NASP: variants seen among roughly 807,000 people sequenced by gnomAD.
The protein encoded by NASP is NASP histone chaperone.
In NASP, 24 loss-of-function variants were observed where a neutral mutation model predicts 89.5. The observed-to-expected ratio is 0.27, with a 90% CI of 0.19 to 0.38. The LOEUF is 0.38. Ranked by LOEUF, NASP falls within the 10% of genes least tolerant of loss-of-function variation. NASP has a pLI of 1.00. For missense variants in NASP, 848 were observed against 921.4 expected (o/e 0.92, Z 1.03); for synonymous variants, 306 against 324.7 (o/e 0.94, Z 0.62).
intron 1 of NASP, among the ~76,000 whole-genome samples, chr1:45,586,240 G>C (rs1318013654): frequency 2.6e-5 from 1 of 38,698 alleles, no homozygotes; most frequent in Non-Finnish European, 5.6e-5. Flanking sequence ...CTACCGTGCC[G>C]TGTGTGTGTG....
In NASP at chr1:45,617,510, C is replaced by T; in HGVS notation, c.2205C>T (p.Ala735=). Residue 735 remains alanine, a synonymous_variant, in exon 14 of 15, where the codon GCC becomes GCT. Transcript: ENST00000350030. ...CCCGGAAAGATGATGCAAAGAAAGCCAAACAAGAGCCGGAGGTGAACGGAG... is the reference window on the plus strand; with the variant it reads ...CCCGGAAAGATGATGCAAAGAAAGCTAAACAAGAGCCGGAGGTGAACGGAG... The part of the protein sequence containing the change: ...ESPRKDDAKK[A]KQEPEVNGGS... 1 of 1,613,354 alleles carries T rather than the reference C, an allele frequency of 6.2e-7. No individual in the cohort carries two copies. The highest frequency in any genetic ancestry group is 8.5e-7 in the Non-Finnish European group (1 of 1,179,680).
intron 5 of NASP, 145 bp from the exon 6 acceptor site, chr1:45,607,176 C>G (rs766539261): frequency 7.4e-5 from 60 of 810,926 alleles, no homozygotes; most frequent in Non-Finnish European, 1.0e-4. Flanking sequence ...TTCCTTTTCT[C>G]TAGGGGGCAG....
intron 1 of NASP, among the ~76,000 whole-genome samples, chr1:45,588,069 G>A (rs185501334): frequency 2.7e-5 from 4 of 148,116 alleles, no homozygotes; most frequent in East Asian, 4.5e-4. Flanking sequence ...GCAAAACCCC[G>A]TCTCTACTAA....
intron 1 of NASP, among the ~76,000 whole-genome samples, chr1:45,590,093 T>G (rs1219028389): frequency 6.6e-6 from 1 of 151,962 alleles, no homozygotes; most frequent in East Asian, 1.9e-4. Flanking sequence ...CTGTAGGGGG[T>G]GGAGCTCAAA....
At position 45,616,672 on chromosome 1, in the gene NASP, T is replaced by G; in HGVS notation, c.2126T>G (p.Val709Gly). Reference sequence around the variant, plus strand: ...GACGGTGCTTCCTCATCAAATTGTGTGACTGATATTTCCCACCTTGTCAGA... The same window carrying G: ...GACGGTGCTTCCTCATCAAATTGTGGGACTGATATTTCCCACCTTGTCAGA... ...PTDGASSSNC[V>G]TDISHLVRKK... Residue 709 changes from valine to glycine, a missense_variant, in exon 13 of 15, where the codon GTG (valine) becomes GGG (glycine). Around this residue, in one of 5 missense-constraint regions of NASP, gnomAD observed 218 missense variants for 219.6 expected, o/e 0.99. Transcript: ENST00000350030. The G allele has an allele frequency of 6.2e-7, 1 of 1,614,152 alleles. No individual in the cohort carries two copies. Among genetic ancestry groups the G allele is most frequent in the Non-Finnish European group, 8.5e-7 (1 of 1,179,950 alleles).
chr1:45,611,542 C>A (rs1003474205), intron 6 of NASP: 6 of 140,074 alleles, frequency 4.3e-5, no homozygotes, highest in African/African-American at 1.6e-4. Flanking sequence ...TCTAGGCTCA[C>A]TGCAACCTCC....
At chr1:45,596,468 T>A (rs1338428263) in intron 2 of NASP, among the ~76,000 whole-genome samples, 1 of 152,208 alleles carries the variant, frequency 6.6e-6, no homozygotes, top group East Asian at 1.9e-4. Flanking sequence ...AATATTTACC[T>A]TTTTGTGACT....
intron 1 of NASP, among the ~76,000 whole-genome samples, chr1:45,589,369 C>G (rs1255839631): frequency 6.6e-6 from 1 of 152,102 alleles, no homozygotes; most frequent in East Asian, 1.9e-4. Context: ...AAGCAGTCCA[C>G]CTACCTAGGC....
At chr1:45,597,159 T>G (rs1000705774) in intron 2 of NASP, among the ~76,000 whole-genome samples, 13 of 151,656 alleles carry the variant, frequency 8.6e-5, no homozygotes, top group African/African-American at 2.4e-4. Flanking sequence ...ATACAAAAAT[T>G]AGCTGGGTGT....
At chr1:45,600,648 A>G (rs1643817979) in intron 2 of NASP, among the ~76,000 whole-genome samples, 1 of 152,200 alleles carries the variant, frequency 6.6e-6, no homozygotes, top group South Asian at 2.1e-4. Flanking sequence ...TGCTGTGAAT[A>G]TTTGTGTACA....
At chr1:45,590,270 C>T (rs903782405) in intron 1 of NASP, among the ~76,000 whole-genome samples, 4 of 152,212 alleles carry the variant, frequency 2.6e-5, no homozygotes, top group Admixed American at 6.5e-5. Context: ...ATCGGCCGGG[C>T]GCGGTGGCTC....
At chr1:45,615,673 GC>G in intron 11 of NASP, 2 of 535,588 alleles carry the variant, frequency 3.7e-6, no homozygotes, top group Non-Finnish European at 6.5e-6. Context: ...CTTACGTGTG[GC>G]CATGGGCCTT....
At position 45,584,285 on chromosome 1, in the gene NASP, A is replaced by G; in HGVS notation, c.59+80A>G. On this transcript the variant is annotated intron_variant, in intron 1 of 14. Transcript: ENST00000350030. Reference sequence around the variant, plus strand: ...TGGACGGGGGCTCCGGAGAAGGGGCAGACCGGTGGGCGGGAGTACTTGCCT... The same window carrying G: ...TGGACGGGGGCTCCGGAGAAGGGGCGGACCGGTGGGCGGGAGTACTTGCCT... The G allele has an allele frequency of 2.9e-6, 4 of 1,364,278 alleles. No individual in the cohort carries two copies. The South Asian group carries it at 5.1e-5, about 17-fold the overall frequency. The allele number at this position is 1,364,278 out of a possible 1,614,324, so 84.5% of individuals were successfully genotyped here. A position where few individuals can be genotyped will look rare whatever the true frequency, so the allele number is the denominator to read the frequency against.
rs756688022 is a variant in NASP at position 45,606,466 on chromosome 1, T to G, written c.300-16T>G. The G allele has an allele frequency of 3.5e-5, 55 of 1,594,048 alleles. No individual in the cohort carries two copies. Among genetic ancestry groups the G allele is most frequent in the Non-Finnish European group, 4.6e-5 (53 of 1,162,374 alleles). The stretch of plus-strand genomic sequence containing the variant: ...TCTAGCCATCAAACCTTTGGTGCTT[T>G]CTTTTGTTCTCCTAGAATGGAGAAT... On this transcript the variant is annotated splice_polypyrimidine_tract_variant and intron_variant, in intron 4 of 14. Coordinates refer to ENST00000350030, the MANE Select transcript of NASP (RefSeq NM_002482.4).
At chr1:45,606,063 A>G (rs1277169195) in intron 4 of NASP, among the ~76,000 whole-genome samples, 1 of 152,210 alleles carries the variant, frequency 6.6e-6, no homozygotes, top group Non-Finnish European at 1.5e-5. Flanking sequence ...GGCGTGAGCC[A>G]CCGTGCCTGG....
At chr1:45,586,516 T>G (rs892641387) in intron 1 of NASP, among the ~76,000 whole-genome samples, 3 of 152,162 alleles carry the variant, frequency 2.0e-5, no homozygotes, top group Non-Finnish European at 4.4e-5. Flanking sequence ...TCCCAACGCC[T>G]AGGCTCAAGG....
At chr1:45,591,688 T>C (rs1643552857) in intron 2 of NASP, among the ~76,000 whole-genome samples, 1 of 152,056 alleles carries the variant, frequency 6.6e-6, no homozygotes, top group African/African-American at 2.4e-5. Context: ...CATCTTGATA[T>C]GGCTATGGTT....
rs1643864746 is a variant in NASP, at chr1:45,602,375, G to A, written c.218+10G>A. The A allele has an allele frequency of 3.1e-6, 5 of 1,608,578 alleles. No homozygotes were observed. Among genetic ancestry groups the A allele is most frequent in the Non-Finnish European group, 4.2e-6 (5 of 1,177,344 alleles). ...AAGCAGCTAGTCTTTTGTAAGTATT[G>A]TATATTTTGCTATGATGTAATATTA... is the stretch of plus-strand genomic sequence containing the variant. On this transcript the variant is annotated intron_variant, in intron 3 of 14. Transcript: ENST00000350030.
intron 12 of NASP, 66 bp downstream of exon 12, chr1:45,616,459 C>T: frequency 6.4e-7 from 1 of 1,570,106 alleles, no homozygotes; most frequent in South Asian, 1.1e-5. Flanking sequence ...GCCTGTAATC[C>T]CAGCATTTTG....
Sources: gnomAD v4.1 joint callset for allele counts (sites outside exome capture counted in the v4.1 genomes callset) on GRCh38, gnomAD v4.1.1 for gene constraint, gnomAD v4.1.1 regional missense constraint, MANE v1.5 for transcripts, NCBI Gene and HGNC (gene_info 2026-07-23, HGNC 2026-07-21) for gene names.